DNAH14: variants seen among roughly 807,000 people sequenced by gnomAD.
DNAH14 encodes axonemal beta dynein heavy chain 14.
A neutral mutation model predicts 520.9 loss-of-function variants in DNAH14; 478 were observed. That is an observed-to-expected ratio of 0.92 (90% CI 0.85 to 0.99). DNAH14 has a LOEUF of 0.99. DNAH14 is among the 50% of genes least tolerant of loss of function. DNAH14 has a pLI of 0.00. For missense variants in DNAH14, 4,831 were observed against 5,234.5 expected (o/e 0.92, Z 2.38); for synonymous variants, 1,581 against 1,757.2 (o/e 0.90, Z 2.51).
chr1:225,209,569 A>C (rs1342715520), intron 41 of DNAH14, among the ~76,000 whole-genome samples: 4 of 152,204 alleles, frequency 2.6e-5, no homozygotes, highest in African/African-American at 7.2e-5. Context: ...AATAATACCT[A>C]AGATTAAAGA....
chr1:225,203,163 G>C (rs1446038040), intron 38 of DNAH14, among the ~76,000 whole-genome samples: 1 of 152,138 alleles, frequency 6.6e-6, no homozygotes, highest in Non-Finnish European at 1.5e-5. Flanking sequence ...TTCATGATGT[G>C]AGCCTCCACA....
chr1:225,033,657 A>G (rs1292277327), intron 11 of DNAH14, among the ~76,000 whole-genome samples: 1 of 152,124 alleles, frequency 6.6e-6, no homozygotes, highest in Non-Finnish European at 1.5e-5. Flanking sequence ...GAATCTGTAA[A>G]TTGCTTTGAT....
At chr1:225,019,812 A>C (rs2147994537) in intron 10 of DNAH14, among the ~76,000 whole-genome samples, 1 of 152,336 alleles carries the variant, frequency 6.6e-6, no homozygotes, top group East Asian at 1.9e-4. Context: ...ATTTGAAACT[A>C]ATAACAGACA....
chr1:225,117,814 A>G, intron 24 of DNAH14, 26 bp downstream of exon 24: 1 of 1,527,538 alleles, frequency 6.5e-7, no homozygotes. Flanking sequence ...TCTGCTCAGC[A>G]ATATTATATT....
intron 85 of DNAH14, 33 bp from the exon 86 acceptor site, chr1:225,399,021 A>T (rs1202186359): frequency 2.1e-6 from 3 of 1,449,110 alleles, no homozygotes; most frequent in South Asian, 2.5e-5. Context: ...TGAACTATGC[A>T]ATTTGACTAC....
At chr1:225,360,120 T>C (rs2095476303) in intron 74 of DNAH14, among the ~76,000 whole-genome samples, 1 of 152,244 alleles carries the variant, frequency 6.6e-6, no homozygotes, top group Admixed American at 6.5e-5. Context: ...GTTCCTGTGT[T>C]AGTTTGCTGA....
chr1:224,999,397 G>A (rs2063602961), intron 8 of DNAH14, among the ~76,000 whole-genome samples: 1 of 151,842 alleles, frequency 6.6e-6, no homozygotes, highest in African/African-American at 2.4e-5. Flanking sequence ...GTAGAGATGG[G>A]GTTCTCCATG....
intron 15 of DNAH14, among the ~76,000 whole-genome samples, chr1:225,045,693 T>C (rs374262120): frequency 3.3e-5 from 5 of 152,118 alleles, no homozygotes; most frequent in African/African-American, 9.7e-5. Flanking sequence ...GTGTGTGCCC[T>C]TTTCAGTACA....
In DNAH14 at chr1:225,028,313, T is replaced by C. The variant is rs375150291; in HGVS notation, c.1358+4448T>C. Among the ~76,000 whole-genome samples the C allele has an allele frequency of 1.3e-3, 199 of 152,248 alleles. 2 individuals are homozygous for C. In the South Asian group the frequency reaches 0.04, roughly 30 times the overall value. ...ACTAATTAAATCTCTTTACTTGTTA[T>C]AGATTTGTTTAGATTTTCTATTTAT... On this transcript the variant is annotated intron_variant, in intron 11 of 85. Coordinates refer to ENST00000682510, the MANE Select transcript of DNAH14 (RefSeq NM_001367479.1).
chr1:225,319,781 C>T (rs892327496), intron 61 of DNAH14, among the ~76,000 whole-genome samples: 1 of 152,090 alleles, frequency 6.6e-6, no homozygotes, highest in African/African-American at 2.4e-5. Context: ...GATGAGGTGA[C>T]ATTGGAGCAG....
rs1307060217 is a variant in DNAH14, at chr1:225,147,192, C to A, written c.4883C>A (p.Ser1628Tyr). 5 of 1,550,746 alleles carry A rather than the reference C, an allele frequency of 3.2e-6. No individual in the cohort carries two copies. Among genetic ancestry groups the A allele is most frequent in the Non-Finnish European group, 4.4e-6 (5 of 1,146,692 alleles). Residue 1628 changes from serine (S) to tyrosine (Y), a missense_variant, in exon 31 of 86, where the codon TCT becomes TAT. Coordinates refer to ENST00000682510, the MANE Select transcript of DNAH14 (RefSeq NM_001367479.1). ...AATCTAATTGATTTGGAAGTTCTCT[C>A]TGTCATTGCCTCACAGATCCTAACA... ...EFNLIDLEVL[S>Y]VIASQILTIK...
At position 224,960,192 on chromosome 1, in the gene DNAH14, C is replaced by T. The variant is rs764249556; in HGVS notation, c.257C>T (p.Ser86Phe). The change falls in exon 4 of 86, where the codon TCT becomes TTT. Residue 86 changes from serine to phenylalanine, a missense_variant. Coordinates refer to ENST00000682510, the MANE Select transcript of DNAH14 (RefSeq NM_001367479.1). Reference protein sequence around the residue: ...RESIIQQHMVSPEPASLKEKG... With the variant: ...RESIIQQHMVFPEPASLKEKG... Reference sequence around the variant, plus strand: ...AGTATAATTCAACAACATATGGTTTCTCCAGAGCCAGCTTCCCTTAAGGAG... The same window carrying T: ...AGTATAATTCAACAACATATGGTTTTTCCAGAGCCAGCTTCCCTTAAGGAG... The T allele has an allele frequency of 1.2e-6, 2 of 1,607,682 alleles. No homozygotes were observed. The highest frequency in any genetic ancestry group is 1.1e-5 in the South Asian group (1 of 89,864).
intron 17 of DNAH14, among the ~76,000 whole-genome samples, chr1:225,066,020 A>G (rs1463547534): frequency 4.6e-5 from 7 of 152,016 alleles, no homozygotes; most frequent in Non-Finnish European, 7.4e-5. Context: ...TCCTTGCCAC[A>G]TGTACTTTCA....
chr1:225,013,556 C>G (rs2064975730), intron 10 of DNAH14, among the ~76,000 whole-genome samples: 1 of 152,180 alleles, frequency 6.6e-6, no homozygotes, highest in South Asian at 2.1e-4. Flanking sequence ...TCTCCCACAG[C>G]CACCCCTTTC....
intron 65 of DNAH14, 135 bp downstream of exon 65, chr1:225,331,712 A>T: frequency 8.3e-7 from 1 of 1,201,218 alleles, no homozygotes; most frequent in Non-Finnish European, 1.2e-6. Flanking sequence ...TATTGGGATC[A>T]GTAGACATCC....
At chr1:225,378,846 C>G (rs1219473913) in intron 79 of DNAH14, among the ~76,000 whole-genome samples, 2 of 149,410 alleles carry the variant, frequency 1.3e-5, no homozygotes, top group Non-Finnish European at 3.0e-5. Flanking sequence ...CAACACTGCA[C>G]TCCAGCTGGG....
chr1:225,186,737 A>G (rs1032773019), intron 37 of DNAH14, among the ~76,000 whole-genome samples: 7 of 151,952 alleles, frequency 4.6e-5, no homozygotes, highest in Non-Finnish European at 8.9e-5. Context: ...TTATATGCTG[A>G]GAATTAACCT....
At chr1:225,374,182 T>TATATATATATAC (rs1263904206) in intron 77 of DNAH14, among the ~76,000 whole-genome samples, 8 of 97,118 alleles carry the variant, frequency 8.2e-5, no homozygotes, top group African/African-American at 2.5e-4. Context: ...TATATATATA[T>TATATATATATAC]ACTATTCTAG....
intron 61 of DNAH14, 21 bp from the exon 62 acceptor site, chr1:225,322,643 G>A (rs536816625): frequency 7.0e-7 from 1 of 1,435,640 alleles, no homozygotes; most frequent in South Asian, 1.6e-5. Context: ...AAGTTGATGA[G>A]ATTTTCATCA....
Sources: gnomAD v4.1 joint callset for allele counts (sites outside exome capture counted in the v4.1 genomes callset) on GRCh38, gnomAD v4.1.1 for gene constraint, MANE v1.5 for transcripts, NCBI Gene and HGNC (gene_info 2026-07-23, HGNC 2026-07-21) for gene names.